Variants in DAAM1 observed in about 807,000 individuals in gnomAD.
DAAM1 encodes the protein disheveled-associated activator of morphogenesis 1.
In DAAM1, 52 loss-of-function variants were observed where a neutral mutation model predicts 130.0. The ratio of observed to expected loss-of-function variants is 0.40; its 90% CI spans 0.32 to 0.50. The LOEUF (loss-of-function observed/expected upper bound fraction) is 0.50, where lower values mean the gene tolerates loss of function less well. Among genes scored for constraint, DAAM1 ranks in the 20% least tolerant of loss-of-function variants. The pLI is 0.61. For synonymous variants in DAAM1, 452 were observed against 444.5 expected, an observed-to-expected ratio of 1.02 and a Z score of -0.21; for missense variants, 1,134 against 1,303.8, an observed-to-expected ratio of 0.87 and a Z score of 2.01.
At chr14:59,344,778 C>G (rs1470121631) in intron 16 of DAAM1, among the ~76,000 whole-genome samples, 1 of 152,158 alleles carries the variant, frequency 6.6e-6, no homozygotes, top group Admixed American at 6.5e-5. Flanking sequence ...ATTTCAAAAG[C>G]AAGAAGTTCT....
chr14:59,343,703 C>G (rs1423240388), intron 16 of DAAM1, among the ~76,000 whole-genome samples: 1 of 152,222 alleles, frequency 6.6e-6, no homozygotes, highest in Non-Finnish European at 1.5e-5. Flanking sequence ...GCACCTGCCA[C>G]AGCTTTCTCT....
intron 1 of DAAM1, among the ~76,000 whole-genome samples, chr14:59,237,524 A>T (rs1889340843): frequency 6.6e-6 from 1 of 152,194 alleles, no homozygotes; most frequent in African/African-American, 2.4e-5. Flanking sequence ...AAATGAAGTG[A>T]TCTGACCTCA....
intron 2 of DAAM1, among the ~76,000 whole-genome samples, chr14:59,270,331 A>G (rs988268756): frequency 2.6e-5 from 4 of 152,220 alleles, no homozygotes; most frequent in Non-Finnish European, 2.9e-5. Flanking sequence ...GTGGAGGCAA[A>G]GAAAAGTCTG....
intron 1 of DAAM1, among the ~76,000 whole-genome samples, chr14:59,193,163 G>A (rs1887783933): frequency 6.6e-6 from 1 of 152,248 alleles, no homozygotes; most frequent in Admixed American, 6.5e-5. Context: ...ATTTCTGTAT[G>A]TGGCTTGGAG....
chr14:59,239,367 A>G (rs1654245403), intron 1 of DAAM1, among the ~76,000 whole-genome samples: 1 of 152,194 alleles, frequency 6.6e-6, no homozygotes, highest in African/African-American at 2.4e-5. Context: ...ATAATGCTTA[A>G]ACACAGTCTC....
chr14:59,345,192 A>G (rs1594838619), intron 16 of DAAM1, among the ~76,000 whole-genome samples: 1 of 152,262 alleles, frequency 6.6e-6, no homozygotes, highest in East Asian at 1.9e-4. Flanking sequence ...TACTTTACCC[A>G]TGCCAACTTA....
At chr14:59,280,501 G>GCTTCCCCAT (rs1883161332) in intron 2 of DAAM1, among the ~76,000 whole-genome samples, 1 of 142,760 alleles carries the variant, frequency 7.0e-6, no homozygotes, top group Non-Finnish European at 1.5e-5. Context: ...CTCCCTCCCA[G>GCTTCCCCAT]CTTCCCCATC....
At chr14:59,288,071 GAC>G (rs1477502132) in intron 2 of DAAM1, among the ~76,000 whole-genome samples, 1 of 152,074 alleles carries the variant, frequency 6.6e-6, no homozygotes, top group Non-Finnish European at 1.5e-5. Context: ...TATAAAAACA[GAC>G]ACATAAACCA....
chr14:59,247,963 T>G (rs1009217719), intron 1 of DAAM1, among the ~76,000 whole-genome samples: 2 of 152,228 alleles, frequency 1.3e-5, no homozygotes, highest in African/African-American at 4.8e-5. Context: ...CTAAATCATT[T>G]AAGCAGTACT....
chr14:59,263,799 C>A, intron 2 of DAAM1, 139 bp downstream of exon 2: 1 of 1,017,154 alleles, frequency 9.8e-7, no homozygotes, highest in Non-Finnish European at 1.5e-6. Context: ...ATGTCTGCAC[C>A]CTCACTGTCA....
chr14:59,191,645 A>T (rs1402357267), intron 1 of DAAM1, among the ~76,000 whole-genome samples: 2 of 152,190 alleles, frequency 1.3e-5, no homozygotes, highest in African/African-American at 4.8e-5. Context: ...TTTAGAATAC[A>T]TTCACTCACA....
At chr14:59,351,136 C>T (rs919371347) in intron 17 of DAAM1, among the ~76,000 whole-genome samples, 3 of 152,134 alleles carry the variant, frequency 2.0e-5, no homozygotes, top group African/African-American at 4.8e-5. Flanking sequence ...GAAGCCCAGG[C>T]GTCATCTTTG....
At chr14:59,281,918 G>T (rs1434301248) in intron 2 of DAAM1, among the ~76,000 whole-genome samples, 1 of 152,092 alleles carries the variant, frequency 6.6e-6, no homozygotes, top group Admixed American at 6.6e-5. Flanking sequence ...TGGTCATTGT[G>T]CCTAGGCTCT....
chr14:59,200,419 G>C (rs1305890656), intron 1 of DAAM1, among the ~76,000 whole-genome samples: 1 of 152,136 alleles, frequency 6.6e-6, no homozygotes, highest in Non-Finnish European at 1.5e-5. Context: ...GTGTGGGAAG[G>C]GCTCTGAAGA....
intron 3 of DAAM1, among the ~76,000 whole-genome samples, chr14:59,303,125 G>A (rs1162837234): frequency 6.6e-6 from 1 of 152,218 alleles, no homozygotes; most frequent in Non-Finnish European, 1.5e-5. Context: ...AAATGTGACT[G>A]TGCGAGGCCC....
Position 59,331,616 on chromosome 14 carries a change from T to C in DAAM1, c.1860+108T>C, listed in dbSNP as rs543354816. Reference sequence around the variant, plus strand: ...GCTGTTAAATGATTTCATTTTCTAATGTGGACCAAGAGTTCTCACTAGCTC... The same window carrying C: ...GCTGTTAAATGATTTCATTTTCTAACGTGGACCAAGAGTTCTCACTAGCTC... On this transcript the variant is annotated intron_variant, in intron 14 of 24. Transcript: ENST00000360909. 4 of 1,511,400 alleles carry C rather than the reference T, an allele frequency of 2.6e-6. No homozygotes were observed. In the African/African-American group the frequency reaches 4.2e-5, roughly 16 times the overall value. The allele number at this position is 1,511,400 out of a possible 1,614,324, so 93.6% of individuals were successfully genotyped here. A position where few individuals can be genotyped will look rare whatever the true frequency, so the allele number is the denominator to read the frequency against.
intron 16 of DAAM1, among the ~76,000 whole-genome samples, chr14:59,345,074 C>T (rs973561923): frequency 1.3e-5 from 2 of 152,090 alleles, no homozygotes; most frequent in African/African-American, 4.8e-5. Context: ...CTTGCATGGC[C>T]ACACAATGGT....
At chr14:59,318,953 G>A (rs1038838250) in intron 4 of DAAM1, among the ~76,000 whole-genome samples, 1 of 152,192 alleles carries the variant, frequency 6.6e-6, no homozygotes, top group African/African-American at 2.4e-5. Context: ...TCATTAATTT[G>A]GGGATAGTTT....
intron 21 of DAAM1, among the ~76,000 whole-genome samples, chr14:59,359,717 T>TTTAAC (rs1200972419): frequency 6.6e-6 from 1 of 152,252 alleles, no homozygotes; most frequent in Non-Finnish European, 1.5e-5. Context: ...GCATGCAATT[T>TTTAAC]TTAACTTTCA....
Sources: gnomAD v4.1 joint callset for allele counts (sites outside exome capture counted in the v4.1 genomes callset) on GRCh38, gnomAD v4.1.1 for gene constraint, MANE v1.5 for transcripts, NCBI Gene and HGNC (gene_info 2026-07-23, HGNC 2026-07-21) for gene names.